The following DDX46 variants were observed in gnomAD, a reference collection of about 807,000 sequenced individuals.
DDX46 encodes probable ATP-dependent RNA helicase DDX46.
DDX46 carries 30 observed loss-of-function variants against 134.9 expected under a neutral mutation model. That is an observed-to-expected ratio of 0.22 (90% CI 0.17 to 0.30). The LOEUF (loss-of-function observed/expected upper bound fraction) is 0.30, where lower values mean the gene tolerates loss of function less well. DDX46 is among the 10% of genes least tolerant of loss of function. DDX46 has a pLI of 1.00. For missense variants in DDX46, 622 were observed against 1,248.7 expected (o/e 0.50, Z 7.56); for synonymous variants, 415 against 404.1 (o/e 1.03, Z -0.32).
intron 8 of DDX46, among the ~76,000 whole-genome samples, chr5:134,782,513 G>GT (rs1754185869): frequency 6.6e-6 from 1 of 151,318 alleles, no homozygotes; most frequent in African/African-American, 2.4e-5. Flanking sequence ...TGTTGGTTTT[G>GT]TTTTGTTTTT....
At position 134,773,912 on chromosome 5, in the gene DDX46, A is replaced by G. The variant is rs2059803; in HGVS notation, c.613+51A>G. 242,430 of 1,432,358 alleles carry G rather than the reference A, an allele frequency of 0.17. 22,892 individuals are homozygous for G. Among genetic ancestry groups the G allele is most frequent in the South Asian group, 0.37 (23,948 of 64,370 alleles). The allele number at this position is 1,432,358 out of a possible 1,614,324, so 88.7% of individuals were successfully genotyped here. A position where few individuals can be genotyped will look rare whatever the true frequency, so the allele number is the denominator to read the frequency against. ...TATAACACCTCATGTAGAATATTAT[A>G]TGAATAATATTTCATAAGGGGTTTT... On this transcript the variant is annotated intron_variant, in intron 5 of 22. Coordinates refer to ENST00000452510, the MANE Select transcript of DDX46 (RefSeq NM_001300860.2).
At chr5:134,780,602 AG>A (rs1754120535) in intron 6 of DDX46, 1 of 149,270 alleles carries the variant, frequency 6.7e-6, no homozygotes, top group Admixed American at 6.7e-5. Flanking sequence ...AAATAAATAA[AG>A]TATGTATAAT....
chr5:134,780,136 G>A lies in DDX46; in HGVS notation c.766-997G>A, dbSNP rs866594228. Among the ~76,000 whole-genome samples the A allele has an allele frequency of 6.4e-3, 942 of 147,386 alleles. 6 individuals carry two copies. The highest frequency in any genetic ancestry group is 0.043 in the Middle Eastern group (12 of 282). On this transcript the variant is annotated intron_variant, in intron 6 of 22. Transcript: ENST00000452510. ...TGTGTGTGTGTGTGTGTGTGTGTGT[G>A]TGTATATGTATATATGTGCATGTAT...
intron 5 of DDX46, among the ~76,000 whole-genome samples, chr5:134,776,670 A>G (rs1351849366): frequency 1.3e-5 from 2 of 151,700 alleles, no homozygotes; most frequent in Non-Finnish European, 2.9e-5. Flanking sequence ...TAATCCCAAC[A>G]CTTTGGGAGG....
intron 18 of DDX46, among the ~76,000 whole-genome samples, chr5:134,814,128 T>C (rs1357170568): frequency 6.6e-6 from 1 of 152,220 alleles, no homozygotes; most frequent in Non-Finnish European, 1.5e-5. Flanking sequence ...ATATAACTTT[T>C]ATTACAGTAT....
intron 11 of DDX46, among the ~76,000 whole-genome samples, chr5:134,788,015 G>A (rs2150144675): frequency 7.2e-6 from 1 of 139,460 alleles, no homozygotes; most frequent in East Asian, 2.1e-4. Flanking sequence ...AACAGAGTGA[G>A]ACCCTGTCTC....
At chr5:134,803,868 C>T (rs750021206) in intron 15 of DDX46, among the ~76,000 whole-genome samples, 1 of 150,082 alleles carries the variant, frequency 6.7e-6, no homozygotes, top group South Asian at 2.1e-4. Context: ...ATATCCTATG[C>T]GTAAGCCTCA....
Position 134,785,432 on chromosome 5 carries a change from G to A in DDX46, c.1343-33G>A, listed in dbSNP as rs761909272. ...ATAAAGCACAGCCTTAAGAATTTTG[G>A]TGGTTAGGCTACTGATGTATTTATC... is the stretch of plus-strand genomic sequence containing the variant. On this transcript the variant is annotated intron_variant, in intron 10 of 22. Coordinates refer to ENST00000452510, the MANE Select transcript of DDX46 (RefSeq NM_001300860.2). 28 of 1,598,936 alleles carry A rather than the reference G, an allele frequency of 1.8e-5. No individual in the cohort carries two copies. The South Asian group carries it at 2.3e-4, about 13-fold the overall frequency.
chr5:134,780,591 T>TA (rs1279140394), intron 6 of DDX46: 2 of 148,120 alleles, frequency 1.4e-5, no homozygotes, highest in African/African-American at 5.0e-5. Flanking sequence ...AATAAATAAA[T>TA]AAATAAATAA....
At chr5:134,823,693 T>G (rs1755517954) in intron 21 of DDX46, among the ~76,000 whole-genome samples, 1 of 152,214 alleles carries the variant, frequency 6.6e-6, no homozygotes, top group African/African-American at 2.4e-5. Flanking sequence ...CAGGTGACAC[T>G]GTTTCTTATT....
rs1189179575 is a variant in DDX46 at position 134,763,799 on chromosome 5, T to C, written c.18-105T>C. 6.1e-6 allele frequency: 8 copies of C among 1,303,326 alleles called. No homozygotes were observed. In the Admixed American group the frequency reaches 1.1e-4, roughly 18 times the overall value. The allele number at this position is 1,303,326 out of a possible 1,614,324, so 80.7% of individuals were successfully genotyped here. ...TTAGAAAAATTCATAAAAAGTTCTTTGAGTGTTAAATTTGTCTGCTGAAAT... is the reference window on the plus strand; with the variant it reads ...TTAGAAAAATTCATAAAAAGTTCTTCGAGTGTTAAATTTGTCTGCTGAAAT... On this transcript the variant is annotated intron_variant, in intron 1 of 22. Coordinates refer to ENST00000452510, the MANE Select transcript of DDX46 (RefSeq NM_001300860.2).
intron 21 of DDX46, among the ~76,000 whole-genome samples, chr5:134,823,006 G>A (rs938223079): frequency 3.9e-5 from 6 of 152,042 alleles, no homozygotes; most frequent in South Asian, 2.1e-4. Flanking sequence ...TTATATTTAC[G>A]TATGTAGCTA....
chr5:134,795,942 A>C, intron 14 of DDX46, 46 bp from the exon 15 acceptor site: 1 of 1,562,436 alleles, frequency 6.4e-7, no homozygotes. Context: ...CAGGGGATCC[A>C]TTTGCATTTT....
intron 13 of DDX46, among the ~76,000 whole-genome samples, chr5:134,793,974 G>C (rs1754579903): frequency 6.6e-6 from 1 of 152,084 alleles, no homozygotes; most frequent in Non-Finnish European, 1.5e-5. Flanking sequence ...ATTTTTGGCT[G>C]TCGAAAGGAG....
chr5:134,811,930 G>T lies in DDX46; in HGVS notation c.2436+85G>T, dbSNP rs115402466. 2,935 of 1,482,694 alleles carry T rather than the reference G, an allele frequency of 2.0e-3. 34 individuals carry two copies. The African/African-American group carries it at 0.031, about 16-fold the overall frequency. 91.8% of individuals were successfully genotyped at this position (1,482,694 alleles called of 1,614,324 possible). ...CTTGCCATATATGGTTATCAAGATAGACAATCACTGGAAACCTTTACAAGA... is the reference window on the plus strand; with the variant it reads ...CTTGCCATATATGGTTATCAAGATATACAATCACTGGAAACCTTTACAAGA... On this transcript the variant is annotated intron_variant, in intron 18 of 22. Coordinates refer to ENST00000452510, the MANE Select transcript of DDX46 (RefSeq NM_001300860.2).
chr5:134,817,234 A>G (rs983641155), intron 19 of DDX46: 99 of 388,048 alleles, frequency 2.6e-4, no homozygotes, highest in Non-Finnish European at 5.5e-5. Context: ...TTAGCTAATT[A>G]TCAACTACAT....
chr5:134,778,018 C>A (rs772170462), intron 6 of DDX46: 9 of 194,916 alleles, frequency 4.6e-5, no homozygotes, highest in Admixed American at 1.3e-4. Context: ...GTCTTTGATA[C>A]TCTTTTTTTT....
intron 21 of DDX46, among the ~76,000 whole-genome samples, chr5:134,824,481 G>C (rs1330165096): frequency 6.6e-6 from 1 of 151,966 alleles, no homozygotes; most frequent in Non-Finnish European, 1.5e-5. Flanking sequence ...CCAGCTACTC[G>C]AGAGGCTGAG....
At chr5:134,802,583 C>G (rs1199077813) in intron 15 of DDX46, among the ~76,000 whole-genome samples, 1 of 147,232 alleles carries the variant, frequency 6.8e-6, no homozygotes, top group Non-Finnish European at 1.5e-5. Context: ...TTTTTTAGTT[C>G]TAAAATTACA....
Sources: gnomAD v4.1 joint callset for allele counts (sites outside exome capture counted in the v4.1 genomes callset) on GRCh38, gnomAD v4.1.1 for gene constraint, MANE v1.5 for transcripts, NCBI Gene and HGNC (gene_info 2026-07-23, HGNC 2026-07-21) for gene names.